The following SRFBP1 variants were observed in gnomAD, a reference collection of about 807,000 sequenced individuals.
SRFBP1 encodes serum response factor-binding protein 1.
Under a neutral mutation model 45.5 loss-of-function variants are expected in SRFBP1, and 47 were observed. The observed-to-expected ratio is 1.03, with a 90% confidence interval of 0.82 to 1.32. The LOEUF is 1.32. Among genes scored for constraint, SRFBP1 ranks in the 40% most tolerant of loss-of-function variants. The probability of loss-of-function intolerance (pLI) is 0.00; values close to 1 mark genes in which losing one functional copy is unlikely to be tolerated. For synonymous variants in SRFBP1, 203 were observed against 166.3 expected, an observed-to-expected ratio of 1.22 and a Z score of -1.70; for missense variants, 621 against 484.6, an observed-to-expected ratio of 1.28 and a Z score of -2.64.
chr5:121,986,340 G>A (rs1752516906), intron 3 of SRFBP1, among the ~76,000 whole-genome samples: 1 of 151,910 alleles, frequency 6.6e-6, no homozygotes, highest in Non-Finnish European at 1.5e-5. Context: ...AAAATAATGG[G>A]ATTGATGTAA....
chr5:121,976,355 C>CCCTTTTTAT (rs1752304074), intron 3 of SRFBP1, among the ~76,000 whole-genome samples: 2 of 151,622 alleles, frequency 1.3e-5, no homozygotes, highest in African/African-American at 4.8e-5. Flanking sequence ...ACTTTTATTT[C>CCCTTTTTAT]TCAAGGTTAT....
chr5:122,045,340 T>G (rs1278854504), intron 2 of SRFBP1, among the ~76,000 whole-genome samples: 1 of 152,236 alleles, frequency 6.6e-6, no homozygotes, highest in Admixed American at 6.5e-5. Context: ...CTGTTTGGGC[T>G]CTTTTTTGGT....
chr5:122,062,565 C>G (rs977321761), intron 2 of SRFBP1, among the ~76,000 whole-genome samples: 3 of 152,020 alleles, frequency 2.0e-5, no homozygotes, highest in Admixed American at 6.6e-5. Context: ...AGATGCTTTG[C>G]CTTGAGCAGG....
In SRFBP1 at chr5:122,018,346, T is replaced by A. The variant is rs559797342; in HGVS notation, c.271-914T>A. On this transcript the variant is annotated intron_variant, in intron 4 of 7. Transcript: ENST00000339397. ...CAGGTGAGAGGTGTTGGTGATTTAG[T>A]CAAAGGTAGTAAGAATAGAAATGGT... Among the ~76,000 whole-genome samples the A allele has an allele frequency of 8.5e-5, 13 of 152,308 alleles. No homozygotes were observed. In the South Asian group the frequency reaches 2.5e-3, roughly 29 times the overall value.
intron 2 of SRFBP1, among the ~76,000 whole-genome samples, chr5:122,052,327 T>C (rs1186532686): frequency 6.6e-6 from 1 of 152,208 alleles, no homozygotes; most frequent in African/African-American, 2.4e-5. Flanking sequence ...ATGCATGATA[T>C]TCTGAAATAT....
downstream of SRFBP1, among the ~76,000 whole-genome samples, chr5:122,032,191 A>C (rs759580670): frequency 2.6e-5 from 4 of 152,064 alleles, no homozygotes; most frequent in Non-Finnish European, 5.9e-5. Flanking sequence ...TCCCTTCAGT[A>C]TATGTGAAAT....
At chr5:122,057,063 G>A (rs1754091145) in intron 2 of SRFBP1, among the ~76,000 whole-genome samples, 1 of 152,196 alleles carries the variant, frequency 6.6e-6, no homozygotes, top group Admixed American at 6.5e-5. Context: ...GTTATGTAAA[G>A]CATGTAATAT....
At chr5:122,009,111 C>G (rs1753037699) in intron 4 of SRFBP1, among the ~76,000 whole-genome samples, 1 of 152,146 alleles carries the variant, frequency 6.6e-6, no homozygotes, top group African/African-American at 2.4e-5. Context: ...TTTTAGACAT[C>G]CTAGTGCGTG....
chr5:122,078,237 G>A (rs1754699893), downstream of SRFBP1: 2 of 407,902 alleles, frequency 4.9e-6, no homozygotes, highest in Admixed American at 4.5e-5. Flanking sequence ...CGGCGCGGCA[G>A]TCCCGGAGAG....
chr5:122,037,139 C>T (rs1427660967), intron 2 of SRFBP1, among the ~76,000 whole-genome samples: 1 of 152,158 alleles, frequency 6.6e-6, no homozygotes, highest in African/African-American at 2.4e-5. Flanking sequence ...CTCAGGTGAT[C>T]CGCCCGCCTT....
chr5:121,964,206 A>G (rs75889127), intron 1 of SRFBP1, among the ~76,000 whole-genome samples: 2 of 150,556 alleles, frequency 1.3e-5, no homozygotes, highest in African/African-American at 2.4e-5. Context: ...TTTTTTTTTT[A>G]TATGTATACT....
intron 2 of SRFBP1, among the ~76,000 whole-genome samples, chr5:122,054,850 C>T (rs1443517000): frequency 6.6e-6 from 1 of 151,996 alleles, no homozygotes; most frequent in Non-Finnish European, 1.5e-5. Flanking sequence ...TAGAACACAC[C>T]TTTTCATTTT....
At chr5:122,021,385 C>T (rs1036858976) in intron 6 of SRFBP1, among the ~76,000 whole-genome samples, 2 of 152,082 alleles carry the variant, frequency 1.3e-5, no homozygotes, top group Non-Finnish European at 2.9e-5. Context: ...TAAAGGGTAT[C>T]TTCACATTTT....
intron 3 of SRFBP1, among the ~76,000 whole-genome samples, chr5:121,990,933 C>A (rs1310082748): frequency 6.6e-6 from 1 of 152,126 alleles, no homozygotes; most frequent in Non-Finnish European, 1.5e-5. Context: ...TTCTTTAGTG[C>A]CCAAGCCTCT....
chr5:122,023,616 A>G (rs1753409282), intron 7 of SRFBP1, among the ~76,000 whole-genome samples: 1 of 152,186 alleles, frequency 6.6e-6, no homozygotes, highest in African/African-American at 2.4e-5. Context: ...ATTGTTCTTC[A>G]TGGTCCGTGT....
At chr5:122,050,696 C>A (rs547766326) in intron 2 of SRFBP1, among the ~76,000 whole-genome samples, 33 of 152,068 alleles carry the variant, frequency 2.2e-4, no homozygotes, top group African/African-American at 7.7e-4. Context: ...TATCAAAGAA[C>A]CAAAACCTGG....
At chr5:122,054,442 G>T (rs1754042814) in intron 2 of SRFBP1, among the ~76,000 whole-genome samples, 1 of 152,196 alleles carries the variant, frequency 6.6e-6, no homozygotes, top group Admixed American at 6.5e-5. Context: ...TGGTTTCTCA[G>T]ATCATCAGTC....
rs577787068 is a variant in SRFBP1, at chr5:121,966,829, G to A, written c.36+4761G>A. ...GAGTCTCGCTCTGTCGCCCAGGCTG[G>A]AGTGCAGTGGCAGGATCTTGGCTCA... On this transcript the variant is annotated intron_variant, in intron 1 of 7. Transcript: ENST00000339397. Among the ~76,000 whole-genome samples the A allele has an allele frequency of 2.1e-4, 32 of 151,252 alleles. 1 individual carries two copies. In the South Asian group the frequency reaches 6.7e-3, roughly 32 times the overall value.
chr5:121,971,834 G>C (rs541236649), intron 1 of SRFBP1, among the ~76,000 whole-genome samples: 2 of 152,144 alleles, frequency 1.3e-5, no homozygotes, highest in African/African-American at 4.8e-5. Flanking sequence ...TGAAGAAAGA[G>C]AAAGTGGTCA....
Sources: gnomAD v4.1 joint callset for allele counts (sites outside exome capture counted in the v4.1 genomes callset) on GRCh38, gnomAD v4.1.1 for gene constraint, MANE v1.5 for transcripts, NCBI Gene and HGNC (gene_info 2026-07-23, HGNC 2026-07-21) for gene names.